RUNX2: variants seen among roughly 807,000 people sequenced by gnomAD.
RUNX2 encodes RUNX family transcription factor 2.
RUNX2 carries 10 observed loss-of-function variants against 51.7 expected under a neutral mutation model. The observed-to-expected ratio is 0.19, with a 90% CI of 0.12 to 0.33. The LOEUF is 0.33. RUNX2 is among the 10% of genes least tolerant of loss of function. The pLI is 1.00. For synonymous variants in RUNX2, 276 were observed against 273.6 expected (o/e 1.01, Z -0.09); for missense variants, 562 against 691.3 (o/e 0.81, Z 2.10).
At chr6:45,428,610 A>T (rs1206216713) in intron 3 of RUNX2, among the ~76,000 whole-genome samples, 1 of 152,152 alleles carries the variant, frequency 6.6e-6, no homozygotes, top group Non-Finnish European at 1.5e-5. Flanking sequence ...GTTTTGTAAA[A>T]TGTGATACGT....
chr6:45,452,686 G>A (rs1461411371), intron 5 of RUNX2, among the ~76,000 whole-genome samples: 2 of 152,000 alleles, frequency 1.3e-5, no homozygotes, highest in Non-Finnish European at 2.9e-5. Context: ...ATGCACACGA[G>A]CACAGTGTTT....
At chr6:45,352,952 T>C (rs956705555) in intron 2 of RUNX2, among the ~76,000 whole-genome samples, 1 of 152,082 alleles carries the variant, frequency 6.6e-6, no homozygotes, top group African/African-American at 2.4e-5. Context: ...ATTGAGGGAA[T>C]AGTTTGGCTG....
At chr6:45,438,705 A>G (rs1798759585) in intron 5 of RUNX2, among the ~76,000 whole-genome samples, 1 of 152,214 alleles carries the variant, frequency 6.6e-6, no homozygotes, top group Non-Finnish European at 1.5e-5. Context: ...CAGGTAGCGC[A>G]CATAATCTAC....
At chr6:45,521,154 A>G (rs1801496551) in intron 7 of RUNX2, among the ~76,000 whole-genome samples, 1 of 152,236 alleles carries the variant, frequency 6.6e-6, no homozygotes, top group African/African-American at 2.4e-5. Context: ...GTGCTTAAGA[A>G]TGTTTAATGA....
chr6:45,471,451 T>C lies in RUNX2; in HGVS notation c.686-20490T>C, dbSNP rs79766930. ...CCCCAGACATTTTCTTTCTTTCTTT[T>C]TTTTTTTTTTTGAGATGGAGTCTCG... On this transcript the variant is annotated intron_variant, in intron 5 of 8. Transcript: ENST00000647337. 3.5e-3 allele frequency among the ~76,000 whole-genome samples: 523 copies of C among 151,048 alleles called. 2 individuals are homozygous for C. The highest frequency in any genetic ancestry group is 0.011 in the African/African-American group (449 of 41,252).
chr6:45,384,861 C>T (rs1381251848), intron 2 of RUNX2, among the ~76,000 whole-genome samples: 2 of 151,598 alleles, frequency 1.3e-5, no homozygotes, highest in African/African-American at 4.8e-5. Flanking sequence ...CCACCATACC[C>T]TGTTAATTTT....
intron 2 of RUNX2, chr6:45,422,342 G>A (rs930508377): frequency 3.2e-5 from 15 of 470,174 alleles, no homozygotes; most frequent in Non-Finnish European, 4.9e-5. Context: ...AAAGATCTGC[G>A]CCTCCCGGGT....
intron 5 of RUNX2, among the ~76,000 whole-genome samples, chr6:45,467,764 C>G (rs189055811): frequency 7.2e-4 from 109 of 152,298 alleles, no homozygotes; most frequent in African/African-American, 2.5e-3. Context: ...ACTCCCAAAT[C>G]TTTATCTTTC....
intron 2 of RUNX2, among the ~76,000 whole-genome samples, chr6:45,343,988 T>C (rs1373285746): frequency 6.6e-6 from 1 of 152,242 alleles, no homozygotes; most frequent in Non-Finnish European, 1.5e-5. Flanking sequence ...TATTTTACAA[T>C]CACAGGTGCC....
At chr6:45,543,319 C>G (rs1030731592) in intron 7 of RUNX2, among the ~76,000 whole-genome samples, 1 of 152,186 alleles carries the variant, frequency 6.6e-6, no homozygotes, top group African/African-American at 2.4e-5. Context: ...CTCCACTGTT[C>G]AGCAAAGCCT....
chr6:45,357,835 A>G (rs1236110547), intron 2 of RUNX2, among the ~76,000 whole-genome samples: 1 of 152,202 alleles, frequency 6.6e-6, no homozygotes, highest in Non-Finnish European at 1.5e-5. Flanking sequence ...TGCTGACATA[A>G]TAATGAAGTG....
At chr6:45,447,554 T>C (rs1329626187) in intron 5 of RUNX2, among the ~76,000 whole-genome samples, 1 of 152,342 alleles carries the variant, frequency 6.6e-6, no homozygotes, top group Middle Eastern at 3.4e-3. Flanking sequence ...AAATTAATCA[T>C]GATCTCTGTC....
chr6:45,534,839 G>T (rs1303236630), intron 7 of RUNX2, among the ~76,000 whole-genome samples: 1 of 152,178 alleles, frequency 6.6e-6, no homozygotes, highest in Non-Finnish European at 1.5e-5. Flanking sequence ...TGTGAGAGGG[G>T]CCATGGTGTG....
intron 2 of RUNX2, among the ~76,000 whole-genome samples, chr6:45,374,728 C>T (rs539767322): frequency 7.7e-4 from 118 of 152,296 alleles, no homozygotes; most frequent in Non-Finnish European, 1.4e-3. Context: ...GACTACCATG[C>T]AGTCACCCCC....
chr6:45,513,398 T>TTCTC (rs946941950), intron 7 of RUNX2: 3 of 152,260 alleles, frequency 2.0e-5, no homozygotes, highest in African/African-American at 7.2e-5. Context: ...CTTTCTTTCT[T>TTCTC]TCTCTTTGTG....
chr6:45,463,280 A>C (rs1221039001), intron 5 of RUNX2, among the ~76,000 whole-genome samples: 1 of 152,250 alleles, frequency 6.6e-6, no homozygotes, highest in Non-Finnish European at 1.5e-5. Context: ...CAGAAACAAG[A>C]GGAAAAGTCT....
chr6:45,436,965 T>G (rs1798701845), intron 4 of RUNX2, among the ~76,000 whole-genome samples: 1 of 152,210 alleles, frequency 6.6e-6, no homozygotes, highest in African/African-American at 2.4e-5. Flanking sequence ...TGAGTCACTG[T>G]TTCACGCCCA....
chr6:45,398,166 T>A (rs1797621699), intron 2 of RUNX2, among the ~76,000 whole-genome samples: 1 of 152,220 alleles, frequency 6.6e-6, no homozygotes, highest in African/African-American at 2.4e-5. Flanking sequence ...GCTTTCAGTG[T>A]GCACTTAGGA....
At chr6:45,393,658 G>A (rs1214155449) in intron 2 of RUNX2, among the ~76,000 whole-genome samples, 1 of 151,968 alleles carries the variant, frequency 6.6e-6, no homozygotes, top group Non-Finnish European at 1.5e-5. Context: ...TTGATCTCCT[G>A]ACCTCGTGAT....
Sources: gnomAD v4.1 joint callset for allele counts (sites outside exome capture counted in the v4.1 genomes callset) on GRCh38, gnomAD v4.1.1 for gene constraint, MANE v1.5 for transcripts, NCBI Gene and HGNC (gene_info 2026-07-23, HGNC 2026-07-21) for gene names.